The following MGAT4C variants were observed in gnomAD, a reference collection of about 807,000 sequenced individuals.
The protein encoded by MGAT4C is MGAT4 family member C, also known as alpha-1,3-mannosyl-glycoprotein 4-beta-N-acetylglucosaminyltransferase C.
Under a neutral mutation model 40.1 loss-of-function variants are expected in MGAT4C, and 19 were observed. The observed-to-expected ratio is 0.47, with a 90% CI of 0.33 to 0.70. The LOEUF (loss-of-function observed/expected upper bound fraction) is 0.70. Ranked by LOEUF, MGAT4C falls within the 30% of genes least tolerant of loss-of-function variation. The pLI is 0.02. For missense variants in MGAT4C, 491 were observed against 563.2 expected, an observed-to-expected ratio of 0.87 and a Z score of 1.30; for synonymous variants, 181 against 187.1, an observed-to-expected ratio of 0.97 and a Z score of 0.27.
intron 3 of MGAT4C, among the ~76,000 whole-genome samples, chr12:86,358,172 A>G (rs990709855): frequency 6.6e-6 from 1 of 152,198 alleles, no homozygotes; most frequent in Non-Finnish European, 1.5e-5. Context: ...GGGGGCCAAT[A>G]TACAACATTC....
chr12:86,783,071 T>C (rs1174191615), intron 1 of MGAT4C, among the ~76,000 whole-genome samples: 1 of 152,144 alleles, frequency 6.6e-6, no homozygotes, highest in Non-Finnish European at 1.5e-5. Context: ...AAGACATCAG[T>C]TATAATTTTA....
intron 1 of MGAT4C, among the ~76,000 whole-genome samples, chr12:86,819,497 A>G (rs995941711): frequency 6.6e-6 from 1 of 150,948 alleles, no homozygotes; most frequent in Admixed American, 6.6e-5. Flanking sequence ...TCCAATGCAA[A>G]ATAGTAGTTT....
At chr12:86,761,619 T>C (rs1242329808) in intron 1 of MGAT4C, among the ~76,000 whole-genome samples, 1 of 152,166 alleles carries the variant, frequency 6.6e-6, no homozygotes, top group Non-Finnish European at 1.5e-5. Context: ...GTCAAGCTGG[T>C]CAGGAGAAGG....
At chr12:86,427,936 C>T (rs140102198) in intron 3 of MGAT4C, among the ~76,000 whole-genome samples, 185 of 152,160 alleles carry the variant, frequency 1.2e-3, no homozygotes, top group African/African-American at 4.1e-3. Context: ...AGGAGAATCG[C>T]TTGAACCCGG....
intron 1 of MGAT4C, among the ~76,000 whole-genome samples, chr12:86,803,767 C>G (rs1189634231): frequency 2.3e-4 from 34 of 144,890 alleles, no homozygotes; most frequent in South Asian, 2.2e-4. Flanking sequence ...CAGGAAACAA[C>G]AGGTGCTGGA....
At chr12:86,305,443 GAA>G (rs5799778) in intron 4 of MGAT4C, among the ~76,000 whole-genome samples, 13,565 of 133,242 alleles carry the variant, frequency 0.1, 959 homozygotes, top group Middle Eastern at 0.23. Flanking sequence ...CCGTCTCAAA[GAA>G]AAAAAAAAAA....
intron 1 of MGAT4C, among the ~76,000 whole-genome samples, chr12:86,154,478 C>G (rs1205270079): frequency 2.0e-5 from 3 of 152,080 alleles, no homozygotes; most frequent in Non-Finnish European, 2.9e-5. Context: ...TTTTTTGAGC[C>G]TTGGTGAATC....
intron 4 of MGAT4C, among the ~76,000 whole-genome samples, chr12:86,317,215 T>C (rs924359114): frequency 6.6e-6 from 1 of 152,030 alleles, no homozygotes; most frequent in African/African-American, 2.4e-5. Flanking sequence ...CTGAATATTA[T>C]TAACAAAAAA....
At chr12:86,169,798 T>A (rs1003577115) in intron 1 of MGAT4C, among the ~76,000 whole-genome samples, 13 of 152,058 alleles carry the variant, frequency 8.5e-5, no homozygotes, top group Admixed American at 8.5e-4. Flanking sequence ...TATATTTCAC[T>A]CTCAAAAACT....
intron 1 of MGAT4C, among the ~76,000 whole-genome samples, chr12:86,105,663 A>G (rs1876025121): frequency 6.6e-6 from 1 of 152,162 alleles, no homozygotes; most frequent in African/African-American, 2.4e-5. Flanking sequence ...ATTATTAGCC[A>G]CACACAACTC....
At chr12:86,787,403 T>C (rs1951949612) in intron 1 of MGAT4C, among the ~76,000 whole-genome samples, 1 of 152,202 alleles carries the variant, frequency 6.6e-6, no homozygotes, top group East Asian at 1.9e-4. Flanking sequence ...TTCCATATTT[T>C]TTCTATTGTG....
At chr12:86,627,575 C>T (rs1355833712) in intron 2 of MGAT4C, among the ~76,000 whole-genome samples, 1 of 152,188 alleles carries the variant, frequency 6.6e-6, no homozygotes, top group African/African-American at 2.4e-5. Context: ...GTTCTGCAGC[C>T]TCTGCTGGTG....
intron 1 of MGAT4C, among the ~76,000 whole-genome samples, chr12:86,174,159 A>ACC (rs71076164): frequency 2.0e-5 from 3 of 150,850 alleles, no homozygotes; most frequent in Non-Finnish European, 4.4e-5. Flanking sequence ...ACACACACAC[A>ACC]GAATAAAAAA....
chr12:86,570,227 A>C (rs993973873), intron 2 of MGAT4C, among the ~76,000 whole-genome samples: 2 of 152,166 alleles, frequency 1.3e-5, no homozygotes, highest in Admixed American at 1.3e-4. Flanking sequence ...GTAGTGAAGT[A>C]GTGCATATGT....
intron 1 of MGAT4C, among the ~76,000 whole-genome samples, chr12:86,120,362 T>C (rs1879174872): frequency 6.6e-6 from 1 of 152,130 alleles, no homozygotes. Context: ...AGACTTAAAC[T>C]TCCCAGTCTG....
chr12:86,086,229 G>T (rs1330105996), intron 1 of MGAT4C, among the ~76,000 whole-genome samples: 1 of 152,074 alleles, frequency 6.6e-6, no homozygotes, highest in Non-Finnish European at 1.5e-5. Context: ...ATGAGTTCAT[G>T]TCTTTTGCAA....
chr12:86,050,550 T>A (rs1287612540), intron 1 of MGAT4C, among the ~76,000 whole-genome samples: 1 of 152,028 alleles, frequency 6.6e-6, no homozygotes, highest in Non-Finnish European at 1.5e-5. Context: ...AATTATGTTG[T>A]TTTTCAAAGT....
At position 85,963,574 on chromosome 12, in the gene MGAT4C, C is replaced by A. The variant is rs888697085; in HGVS notation, c.*15715G>T. On this transcript the variant is annotated 3_prime_UTR_variant, in exon 5 of 5. Transcript: ENST00000611864. Reference sequence around the variant, plus strand: ...CCTTTGAATTTGATTCTTAACAAATCTTTGTGGCTGAGAAACCATGAGATT... The same window carrying A: ...CCTTTGAATTTGATTCTTAACAAATATTTGTGGCTGAGAAACCATGAGATT... 6.6e-6 allele frequency: 1 copy of A among 151,936 alleles called. No homozygotes were observed. Among genetic ancestry groups the A allele is most frequent in the Non-Finnish European group, 1.5e-5 (1 of 67,902 alleles). The allele number at this position is 151,936 out of a possible 1,614,324, so 9.4% of individuals were successfully genotyped here. A position where few individuals can be genotyped will look rare whatever the true frequency, so the allele number is the denominator to read the frequency against.
intron 1 of MGAT4C, among the ~76,000 whole-genome samples, chr12:86,741,010 T>TTA (rs1447848517): frequency 6.6e-6 from 1 of 150,866 alleles, no homozygotes; most frequent in African/African-American, 2.4e-5. Context: ...TCTCCCTCCC[T>TTA]TATCTAGTAG....
Sources: gnomAD v4.1 joint callset for allele counts (sites outside exome capture counted in the v4.1 genomes callset) on GRCh38, gnomAD v4.1.1 for gene constraint, MANE v1.5 for transcripts, NCBI Gene and HGNC (gene_info 2026-07-23, HGNC 2026-07-21) for gene names.